KIF13B: variants seen among roughly 807,000 people sequenced by gnomAD.
KIF13B encodes kinesin family member 13B.
In KIF13B, 127 loss-of-function variants were observed where a neutral mutation model predicts 222.0. That is an observed-to-expected ratio of 0.57 (90% CI 0.50 to 0.66). The LOEUF (loss-of-function observed/expected upper bound fraction) is 0.66, where lower values mean the gene tolerates loss of function less well. Ranked by LOEUF, KIF13B falls within the 30% of genes least tolerant of loss-of-function variation. The pLI is 0.00. For missense variants in KIF13B, 2,173 were observed against 2,379.0 expected (o/e 0.91, Z 1.80); for synonymous variants, 976 against 919.0 (o/e 1.06, Z -1.12).
At chr8:29,122,788 A>G in intron 28 of KIF13B, 142 bp from the exon 29 acceptor site, 2 of 668,988 alleles carry the variant, frequency 3.0e-6, no homozygotes, top group Admixed American at 5.1e-5. Context: ...CTAATCCAGA[A>G]TCAGAGAGGC....
chr8:29,092,868 G>A lies in KIF13B; in HGVS notation c.4335C>T (p.Asn1445=). 1 of 1,610,118 alleles carries A rather than the reference G, an allele frequency of 6.2e-7. No individual in the cohort carries two copies. The highest frequency in any genetic ancestry group is 1.7e-5 in the Admixed American group (1 of 59,478). Residue 1445 remains asparagine, a synonymous_variant, in exon 37 of 40, where the codon AAC becomes AAT. Coordinates refer to ENST00000524189, the MANE Select transcript of KIF13B (RefSeq NM_015254.4). ...NNHSPDPGLS[N]LAASYLNPVK... The stretch of plus-strand genomic sequence containing the variant: ...CAGGATTCAAGTAGGATGCTGCAAG[G>A]TTACTGAGTCCTGCCCATATTACAG...
chr8:29,244,171 G>A (rs1053440152), intron 2 of KIF13B, among the ~76,000 whole-genome samples: 15 of 151,910 alleles, frequency 9.9e-5, no homozygotes, highest in African/African-American at 3.1e-4. Context: ...CCGCCATCAC[G>A]CCCGGCTAAT....
chr8:29,131,642 T>C (rs1810349310), intron 23 of KIF13B, among the ~76,000 whole-genome samples: 2 of 152,224 alleles, frequency 1.3e-5, no homozygotes, highest in South Asian at 4.1e-4. Flanking sequence ...CCAACACTGA[T>C]GCCACTCAGA....
At chr8:29,239,147 C>A (rs544897312) in intron 2 of KIF13B, among the ~76,000 whole-genome samples, 3 of 152,268 alleles carry the variant, frequency 2.0e-5, no homozygotes, top group South Asian at 4.1e-4. Context: ...GCCCCCCAAA[C>A]CATACACACG....
Position 29,070,738 on chromosome 8 carries a change from C to T in KIF13B, c.5247G>A (p.Lys1749=). 1 of 1,565,302 alleles carries T rather than the reference C, an allele frequency of 6.4e-7. No homozygotes were observed. Among genetic ancestry groups the T allele is most frequent in the Non-Finnish European group, 8.7e-7 (1 of 1,155,474 alleles). ...SGKNDGSIGG[K]QYFRCNPGYG... is the part of the protein sequence containing the mutation. The stretch of plus-strand genomic sequence containing the variant: ...AGCCAGGGTTACACCTGAAGTACTG[C>T]TTCCCGCCGATGGAACCGTCATTCT... Residue 1749 remains lysine, a synonymous_variant, in exon 40 of 40, where the codon AAG becomes AAA. Coordinates refer to ENST00000524189, the MANE Select transcript of KIF13B (RefSeq NM_015254.4). This position sits in a 1 kb window ranked among gnomAD's most constrained non-coding sequence, Gnocchi z 4.1.
In KIF13B at chr8:29,182,597, T is replaced by G. The variant is rs564133950; in HGVS notation, c.498-591A>C. 5.3e-5 allele frequency among the ~76,000 whole-genome samples: 8 copies of G among 151,952 alleles called. No homozygotes were observed. The East Asian group carries it at 1.2e-3, about 22-fold the overall frequency. ...AAATTAAATATTCATTAAGTTTTTT[T>G]TTTTTTAAAAGAAAACCCCTCTTAG... On this transcript the variant is annotated intron_variant, in intron 6 of 39. Coordinates refer to ENST00000524189, the MANE Select transcript of KIF13B (RefSeq NM_015254.4).
rs769991059 is a variant in KIF13B at position 29,147,376 on chromosome 8, CCT to C, written c.2024+14_2024+15del. 3.2e-6 allele frequency: 5 copies of C among 1,581,092 alleles called. No homozygotes were observed. The South Asian group carries it at 4.6e-5, about 15-fold the overall frequency. ...GCCTGAGCTATAAAGTTAACAGGCC[CCT>C]CTGTGCCGCCTACCTCTCCTCAGCC... On this transcript the variant is annotated intron_variant, in intron 17 of 39. Coordinates refer to ENST00000524189, the MANE Select transcript of KIF13B (RefSeq NM_015254.4).
chr8:29,208,771 TC>T (rs1167817438), intron 2 of KIF13B, among the ~76,000 whole-genome samples: 28 of 152,128 alleles, frequency 1.8e-4, no homozygotes, highest in Non-Finnish European at 3.1e-4. Flanking sequence ...CCATTCAGAA[TC>T]AGCAAGAGAA....
At chr8:29,136,614 AAAAT>A (rs1048756092) in intron 21 of KIF13B, among the ~76,000 whole-genome samples, 45 of 135,730 alleles carry the variant, frequency 3.3e-4, no homozygotes, top group African/African-American at 1.2e-3. Context: ...TTAATTAATT[AAAAT>A]AAATAAATCT....
intron 2 of KIF13B, among the ~76,000 whole-genome samples, chr8:29,245,110 C>T (rs538546671): frequency 1.3e-5 from 2 of 152,234 alleles, no homozygotes; most frequent in African/African-American, 2.4e-5. Flanking sequence ...CAACATAACA[C>T]TCAGTCTCTT....
intron 2 of KIF13B, among the ~76,000 whole-genome samples, chr8:29,243,676 A>G (rs1815886260): frequency 6.6e-6 from 1 of 152,062 alleles, no homozygotes; most frequent in Admixed American, 6.5e-5. Context: ...AAGAAAGAAA[A>G]GAAAAAAAAG....
intron 18 of KIF13B, chr8:29,146,154 G>A: frequency 1.7e-6 from 1 of 605,706 alleles, no homozygotes; most frequent in Non-Finnish European, 2.9e-6. Context: ...TGAACTGTCA[G>A]GGCCAGGTGA....
At chr8:29,208,446 C>T (rs986732936) in intron 2 of KIF13B, among the ~76,000 whole-genome samples, 3 of 152,176 alleles carry the variant, frequency 2.0e-5, no homozygotes, top group African/African-American at 7.2e-5. Flanking sequence ...GGTTGGGCCT[C>T]AGTGGGTCTG....
chr8:29,229,515 A>T (rs1298717862), intron 2 of KIF13B, among the ~76,000 whole-genome samples: 1 of 152,232 alleles, frequency 6.6e-6, no homozygotes, highest in Non-Finnish European at 1.5e-5. Flanking sequence ...AACAATACTA[A>T]TGCCTATAAA....
chr8:29,183,787 A>G (rs1812816277), intron 6 of KIF13B, among the ~76,000 whole-genome samples: 1 of 152,234 alleles, frequency 6.6e-6, no homozygotes, highest in South Asian at 2.1e-4. Context: ...CAAATGTGTT[A>G]GCTTCCGTCA....
At chr8:29,187,039 A>T (rs889319462) in intron 5 of KIF13B, among the ~76,000 whole-genome samples, 4 of 152,008 alleles carry the variant, frequency 2.6e-5, no homozygotes, top group African/African-American at 9.7e-5. Context: ...ACCTAAAACA[A>T]GTGAGAAATA....
chr8:29,211,121 G>C (rs1258883816), intron 2 of KIF13B, among the ~76,000 whole-genome samples: 3 of 152,208 alleles, frequency 2.0e-5, no homozygotes, highest in African/African-American at 7.2e-5. Flanking sequence ...CTTCTAATTG[G>C]TCTGGCCAGA....
chr8:29,085,961 C>A (rs1808035880), intron 37 of KIF13B, among the ~76,000 whole-genome samples: 1 of 152,014 alleles, frequency 6.6e-6, no homozygotes, highest in Non-Finnish European at 1.5e-5. Context: ...TAGGACCCTC[C>A]ACTGCTTTAG....
At chr8:29,104,430 T>C (rs1808950653) in intron 35 of KIF13B, among the ~76,000 whole-genome samples, 1 of 152,114 alleles carries the variant, frequency 6.6e-6, no homozygotes, top group Admixed American at 6.6e-5. Context: ...CTCTGGCTAT[T>C]TCTCCCCTAA....
Sources: gnomAD v4.1 joint callset for allele counts (sites outside exome capture counted in the v4.1 genomes callset) on GRCh38, gnomAD v4.1.1 for gene constraint, Gnocchi (gnomAD v3.1) non-coding constraint, MANE v1.5 for transcripts, NCBI Gene and HGNC (gene_info 2026-07-23, HGNC 2026-07-21) for gene names.